SLC7A6OS: variants seen among roughly 807,000 people sequenced by gnomAD.
The protein encoded by SLC7A6OS is solute carrier family 7 member 6 opposite strand.
SLC7A6OS carries 22 observed loss-of-function variants against 34.3 expected under a neutral mutation model. That is an observed-to-expected ratio of 0.64 (90% CI 0.46 to 0.92). The LOEUF (loss-of-function observed/expected upper bound fraction) is 0.92. SLC7A6OS is among the 40% of genes least tolerant of loss of function. The pLI is 0.00. For missense variants in SLC7A6OS, 434 were observed against 407.7 expected, an observed-to-expected ratio of 1.06 and a Z score of -0.56; for synonymous variants, 199 against 165.0, an observed-to-expected ratio of 1.21 and a Z score of -1.58.
At position 68,310,938 on chromosome 16, in the gene SLC7A6OS, C is replaced by T; in HGVS notation, c.-12G>A. ...CTGGCGGCCTCCATAGTGGCTGCCG[C>T]TGAGCACTGTGGGAGCTCGCGGGGT... On this transcript the variant is annotated 5_prime_UTR_variant, in exon 1 of 5. Transcript: ENST00000263997. 6.4e-7 allele frequency: 1 copy of T among 1,568,360 alleles called. No individual in the cohort carries two copies. Among genetic ancestry groups the T allele is most frequent in the Non-Finnish European group, 8.6e-7 (1 of 1,162,486 alleles).
chr16:68,306,497 A>G (rs185205645), intron 2 of SLC7A6OS, among the ~76,000 whole-genome samples: 11 of 152,114 alleles, frequency 7.2e-5, no homozygotes, highest in Admixed American at 6.5e-4. Flanking sequence ...CATCACAGGC[A>G]TGAGCCACCG....
chr16:68,310,888 C>A lies in SLC7A6OS; in HGVS notation c.39G>T (p.Arg13=), dbSNP rs2043509978. 1 of 1,603,986 alleles carries A rather than the reference C, an allele frequency of 6.2e-7. No individual in the cohort carries two copies. The highest frequency in any genetic ancestry group is 1.3e-5 in the African/African-American group (1 of 74,868). ...AARTAVLRVK[R]KRSAEPAEAL... ...CCTCCGCCGGCTCCGCACTGCGCTT[C>A]CGCTTCACCCGGAGTACAGCGGTCC... is the stretch of plus-strand genomic sequence containing the variant. Residue 13 remains arginine (R), a synonymous_variant, in exon 1 of 5, where the codon CGG becomes CGT. Transcript: ENST00000263997.
intron 2 of SLC7A6OS, 71 bp downstream of exon 2, chr16:68,310,264 T>C (rs1171944842): frequency 1.4e-6 from 2 of 1,467,082 alleles, no homozygotes; most frequent in Non-Finnish European, 1.8e-6. Flanking sequence ...GAAACTGTGC[T>C]GCGACTGGGC....
Position 68,310,620 on chromosome 16 carries a change from G to A in SLC7A6OS, c.193-7C>T. The A allele has an allele frequency of 6.9e-6, 11 of 1,592,752 alleles. No homozygotes were observed. The highest frequency in any genetic ancestry group is 9.4e-6 in the Non-Finnish European group (11 of 1,167,062). ...GAGGCTGGACTGGTTCCTCCTAGGG[G>A]GCAACAGGGGACGGAGGCCAGCGTA... is the stretch of plus-strand genomic sequence containing the variant. On this transcript the variant is annotated splice_polypyrimidine_tract_variant and splice_region_variant and intron_variant, in intron 1 of 4. Coordinates refer to ENST00000263997, the MANE Select transcript of SLC7A6OS (RefSeq NM_032178.3).
At chr16:68,307,491 GTAACATA>G (rs1467113238) in intron 2 of SLC7A6OS, among the ~76,000 whole-genome samples, 1 of 152,098 alleles carries the variant, frequency 6.6e-6, no homozygotes, top group Non-Finnish European at 1.5e-5. Context: ...GAAATTCATT[GTAACATA>G]ACATAGAAAT....
rs1260707153 is a variant in SLC7A6OS, at chr16:68,310,598, G to A, written c.208C>T (p.Pro70Ser). ...TVCSQEEPVQ[P>S]LLREVLRPSR... ...GGGCGCAGAACTTCCCGCAGGAGAG[G>A]CTGGACTGGTTCCTCCTAGGGGGCA... The change falls in exon 2 of 5, where the codon CCT becomes TCT. Residue 70 changes from proline to serine, a missense_variant. By Grantham distance (74) the Pro-to-Ser change is moderately conservative (BLOSUM62 -1). Transcript: ENST00000263997. 4 of 1,597,238 alleles carry A rather than the reference G, an allele frequency of 2.5e-6. No individual in the cohort carries two copies. The highest frequency in any genetic ancestry group is 3.4e-6 in the Non-Finnish European group (4 of 1,172,908).
Position 68,300,717 on chromosome 16 carries a change from G to A in SLC7A6OS, c.*558C>T, listed in dbSNP as rs1482136882. The A allele has an allele frequency of 1.3e-5, 13 of 985,306 alleles. No homozygotes were observed. Among genetic ancestry groups the A allele is most frequent in the South Asian group, 9.4e-5 (2 of 21,288 alleles). The allele number at this position is 985,306 out of a possible 1,614,324, so 61.0% of individuals were successfully genotyped here. On this transcript the variant is annotated 3_prime_UTR_variant, in exon 5 of 5. Transcript: ENST00000263997. ...GAAGTCAGTCAGTAATTTCACAACC[G>A]TTATCAGAGTTTGGAAGCAGAAATA...
chr16:68,299,489 C>T lies in SLC7A6OS; in HGVS notation c.*1786G>A, dbSNP rs1567599532. 6.6e-6 allele frequency: 1 copy of T among 152,664 alleles called. No homozygotes were observed. Among genetic ancestry groups the T allele is most frequent in the South Asian group, 2.1e-4 (1 of 4,834 alleles). The allele number at this position is 152,664 out of a possible 1,614,324, so 9.5% of individuals were successfully genotyped here. On this transcript the variant is annotated 3_prime_UTR_variant, in exon 5 of 5. Transcript: ENST00000263997. ...TGGGAGCGAAGCCAGAGGATCCCTA[C>T]AGCACTCAAGCTTCATGGTGGAATT...
rs1044551115 is a variant in SLC7A6OS at position 68,302,067 on chromosome 16, C to A, written c.799+314G>T. ...ATGAGCTACATATTTTACATAATCT[C>A]AACCACTAAAATTCATGCAGAACCA... is the stretch of plus-strand genomic sequence containing the variant. On this transcript the variant is annotated intron_variant, in intron 4 of 4. Coordinates refer to ENST00000263997, the MANE Select transcript of SLC7A6OS (RefSeq NM_032178.3). 2.3e-5 allele frequency: 7 copies of A among 300,790 alleles called. No individual in the cohort carries two copies. In the South Asian group the frequency reaches 4.1e-4, roughly 18 times the overall value. The allele number at this position is 300,790 out of a possible 1,614,324, so 18.6% of individuals were successfully genotyped here.
chr16:68,301,316 CCTT>C lies in SLC7A6OS; in HGVS notation c.886_888del (p.Lys296del), dbSNP rs747445254. 1.7e-5 allele frequency: 27 copies of C among 1,614,164 alleles called. No individual in the cohort carries two copies. The highest frequency in any genetic ancestry group is 2.2e-5 in the East Asian group (1 of 44,878). ...TCGTGGGGGCTGTCATAGCCGAACT[CCTT>C]CTGCACATCCAGAGGGTACTTGCTC... On this transcript the variant is annotated inframe_deletion, in exon 5 of 5. Transcript: ENST00000263997.
At chr16:68,307,891 T>G (rs960051183) in intron 2 of SLC7A6OS, among the ~76,000 whole-genome samples, 1 of 152,216 alleles carries the variant, frequency 6.6e-6, no homozygotes, top group African/African-American at 2.4e-5. Context: ...CTTTATAAAA[T>G]TAAATTAGCT....
Position 68,302,209 on chromosome 16 carries a change from AG to A in SLC7A6OS, c.799+171del, listed in dbSNP as rs1296893533. On this transcript the variant is annotated intron_variant, in intron 4 of 4. Transcript: ENST00000263997. ...CCTGATGGATTATTACACCCCCAGGAGGCCCCTGGGAAACACTGGTCTTTGG... is the reference window on the plus strand; with the variant it reads ...CCTGATGGATTATTACACCCCCAGGAGCCCCTGGGAAACACTGGTCTTTGG... 27 of 679,004 alleles carry A rather than the reference AG, an allele frequency of 4.0e-5. No individual in the cohort carries two copies. The Admixed American group carries it at 5.5e-4, about 14-fold the overall frequency. The allele number at this position is 679,004 out of a possible 1,614,324, so 42.1% of individuals were successfully genotyped here. A position where few individuals can be genotyped will look rare whatever the true frequency, so the allele number is the denominator to read the frequency against.
intron 2 of SLC7A6OS, among the ~76,000 whole-genome samples, chr16:68,307,855 C>T (rs1387686687): frequency 2.0e-5 from 3 of 152,074 alleles, no homozygotes; most frequent in African/African-American, 7.2e-5. Flanking sequence ...CTGTTCATAT[C>T]GGTCATCAGT....
intron 2 of SLC7A6OS, among the ~76,000 whole-genome samples, chr16:68,307,825 T>C (rs1027114036): frequency 5.3e-5 from 8 of 152,236 alleles, no homozygotes; most frequent in Admixed American, 3.3e-4. Flanking sequence ...AGAGTCGGTA[T>C]TGCTTTACTG....
At position 68,304,359 on chromosome 16, in the gene SLC7A6OS, C is replaced by A. The variant is rs191309749; in HGVS notation, c.472-127G>T. 1.1e-4 allele frequency: 88 copies of A among 808,452 alleles called. 1 individual carries two copies. The South Asian group carries it at 1.4e-3, about 12-fold the overall frequency. 50.1% of individuals were successfully genotyped at this position (808,452 alleles called of 1,614,324 possible). On this transcript the variant is annotated intron_variant, in intron 2 of 4. Coordinates refer to ENST00000263997, the MANE Select transcript of SLC7A6OS (RefSeq NM_032178.3). ...TTTTTGAGACGGAGTCTCACTCTGT[C>A]GCCCAGGCTGGAGTGCAGTGGCGTG...
chr16:68,309,695 A>C (rs548825930), intron 2 of SLC7A6OS, among the ~76,000 whole-genome samples: 3 of 152,226 alleles, frequency 2.0e-5, no homozygotes, highest in Non-Finnish European at 4.4e-5. Context: ...TATGCTATCC[A>C]GGACTATTCC....
At chr16:68,303,710 C>T (rs1238176798) in intron 3 of SLC7A6OS, 3 of 234,440 alleles carry the variant, frequency 1.3e-5, no homozygotes, top group East Asian at 9.1e-5. Context: ...CTGATTTTAT[C>T]GTCTTTATCT....
rs556510060 is a variant in SLC7A6OS, at chr16:68,310,434, C to A, written c.372G>T (p.Thr124=). ...TTSSGQESEY[T]PGNPEAAGNS... is the part of the protein sequence containing the mutation. ...TCCCGGCGGCTTCTGGGTTCCCCGG[C>A]GTGTACTCGGACTCCTGGCCGCTCG... is the stretch of plus-strand genomic sequence containing the variant. Residue 124 remains threonine, a synonymous_variant, in exon 2 of 5, where the codon ACG becomes ACT. Transcript: ENST00000263997. 3.1e-6 allele frequency: 5 copies of A among 1,607,464 alleles called. No homozygotes were observed. In the Admixed American group the frequency reaches 6.8e-5, roughly 22 times the overall value.
chr16:68,305,044 G>A (rs2043317027), intron 2 of SLC7A6OS, among the ~76,000 whole-genome samples: 1 of 152,108 alleles, frequency 6.6e-6, no homozygotes, highest in Non-Finnish European at 1.5e-5. Flanking sequence ...AAAAAAATAT[G>A]GGAAGACTGG....
Sources: allele counts gnomAD v4.1 joint callset (sites outside exome capture counted in the v4.1 genomes callset), GRCh38; gene constraint gnomAD v4.1.1; transcripts MANE v1.5; gene names NCBI Gene and HGNC (gene_info 2026-07-23, HGNC 2026-07-21).